The following KIDINS220 variants were observed in gnomAD, a reference collection of about 807,000 sequenced individuals.
The protein encoded by KIDINS220 is kinase D-interacting substrate of 220 kDa.
Under a neutral mutation model 157.6 loss-of-function variants are expected in KIDINS220, and 63 were observed. That is an observed-to-expected ratio of 0.40 (90% CI 0.33 to 0.49). KIDINS220 has a LOEUF of 0.49. Among genes scored for constraint, KIDINS220 ranks in the 20% least tolerant of loss-of-function variants. The pLI, the probability that KIDINS220 is intolerant of heterozygous loss-of-function variation, is 0.66. For missense variants in KIDINS220, 1,772 were observed against 2,171.2 expected (o/e 0.82, Z 3.65); for synonymous variants, 732 against 783.6 (o/e 0.93, Z 1.10).
chr2:8,722,527 G>A (rs1007331454), downstream of KIDINS220: 2 of 152,246 alleles, frequency 1.3e-5, no homozygotes. Flanking sequence ...TGCAAGAACA[G>A]GGAGAAGCCC....
intron 21 of KIDINS220, among the ~76,000 whole-genome samples, chr2:8,771,224 T>C (rs927686519): frequency 3.9e-5 from 6 of 152,192 alleles, no homozygotes; most frequent in African/African-American, 9.6e-5. Flanking sequence ...TGAGATCCTA[T>C]TGATGGACTA....
At chr2:8,747,732 A>G in intron 25 of KIDINS220, 155 bp downstream of exon 25, 1 of 424,648 alleles carries the variant, frequency 2.4e-6, no homozygotes, top group Non-Finnish European at 4.1e-6. Flanking sequence ...CCAGAAATGA[A>G]AATAAATACA....
chr2:8,800,444 G>T lies in KIDINS220; in HGVS notation c.856C>A (p.Arg286=). ...AVRGGHVEIV[R]ALLQKYADID... is the part of the protein sequence containing the mutation. ...TCAGCATATTTTTGGAGAAGCGCTC[G>T]AACAATTTCAACATGACCACCTCTG... is the stretch of plus-strand genomic sequence containing the variant. Residue 286 remains arginine (R), a synonymous_variant, in exon 9 of 30, where the codon CGA becomes AGA. Transcript: ENST00000256707. The T allele has an allele frequency of 6.2e-7, 1 of 1,613,316 alleles. No individual in the cohort carries two copies. Among genetic ancestry groups the T allele is most frequent in the Middle Eastern group, 1.7e-4 (1 of 6,058 alleles).
chr2:8,758,697 C>T (rs1282788340), intron 22 of KIDINS220, among the ~76,000 whole-genome samples: 3 of 152,052 alleles, frequency 2.0e-5, no homozygotes, highest in Non-Finnish European at 2.9e-5. Context: ...TACGCATTTA[C>T]AGCCATAAAT....
chr2:8,744,386 AAAATATATATATATAATATAT>A (rs1666184061), intron 26 of KIDINS220, among the ~76,000 whole-genome samples: 5 of 26,866 alleles, frequency 1.9e-4, no homozygotes, highest in South Asian at 4.4e-3. Flanking sequence ...AAAAAAAAAA[AAAATATATATATATAATATAT>A]ATATATATAT....
rs1049454940 is a variant in KIDINS220, at chr2:8,788,721, C to T, written c.1713G>A (p.Leu571=). The T allele has an allele frequency of 3.1e-6, 5 of 1,613,984 alleles. No individual in the cohort carries two copies. The highest frequency in any genetic ancestry group is 1.6e-4 in the Middle Eastern group (1 of 6,084). Residue 571 remains leucine, a synonymous_variant, in exon 15 of 30, where the codon TTG becomes TTA. Coordinates refer to ENST00000256707, the MANE Select transcript of KIDINS220 (RefSeq NM_020738.4). ...CAAACATCAATTTAAGGAGGAGTTC[C>T]AAATATCCAATATGTCTTGCCAATC... ...STRLARHIGY[L]ELLLKLMFVN...
chr2:8,831,003 C>T (rs1679535283), intron 1 of KIDINS220, among the ~76,000 whole-genome samples: 3 of 152,218 alleles, frequency 2.0e-5, no homozygotes, highest in Admixed American at 2.0e-4. Context: ...CTCCTCTCTC[C>T]AGGCCTGCCA....
chr2:8,785,722 A>C lies in KIDINS220; in HGVS notation c.2229+19T>G. On this transcript the variant is annotated intron_variant, in intron 17 of 29. Coordinates refer to ENST00000256707, the MANE Select transcript of KIDINS220 (RefSeq NM_020738.4). Reference sequence around the variant, plus strand: ...CATATTCGCATTACAATTTTTTCTAATAACCAATGAGTGCTTACTTTCATG... The same window carrying C: ...CATATTCGCATTACAATTTTTTCTACTAACCAATGAGTGCTTACTTTCATG... 6.3e-7 allele frequency: 1 copy of C among 1,584,260 alleles called. No individual in the cohort carries two copies. The highest frequency in any genetic ancestry group is 8.6e-7 in the Non-Finnish European group (1 of 1,167,774).
intron 22 of KIDINS220, among the ~76,000 whole-genome samples, chr2:8,762,131 GTA>G (rs536781818): frequency 2.4e-3 from 372 of 152,132 alleles, no homozygotes; most frequent in African/African-American, 8.7e-3. Flanking sequence ...TATTAAACAT[GTA>G]TTTCTTACAT....
At chr2:8,812,613 A>G in intron 5 of KIDINS220, 120 bp from the exon 6 acceptor site, 3 of 434,614 alleles carry the variant, frequency 6.9e-6, no homozygotes, top group Non-Finnish European at 1.2e-5. Flanking sequence ...TACAACACAC[A>G]TTTGCTAAGT....
chr2:8,801,564 A>T (rs7578302), intron 8 of KIDINS220, among the ~76,000 whole-genome samples: 1 of 152,234 alleles, frequency 6.6e-6, no homozygotes, highest in South Asian at 2.1e-4. Context: ...TAAACAAAAA[A>T]TCATACAAAC....
intron 19 of KIDINS220, 57 bp from the exon 20 acceptor site, chr2:8,778,784 T>C: frequency 6.3e-7 from 1 of 1,589,570 alleles, no homozygotes; most frequent in Non-Finnish European, 8.6e-7. Context: ...GTATATGATA[T>C]TTAAAGAAAT....
In KIDINS220 at chr2:8,731,632, G is replaced by T. The variant is rs77234849; in HGVS notation, c.4404C>A (p.Asn1468Lys). The T allele has an allele frequency of 6.2e-7, 1 of 1,614,066 alleles. No homozygotes were observed. The highest frequency in any genetic ancestry group is 8.5e-7 in the Non-Finnish European group (1 of 1,180,040). ...TGATAGGATCCAGGGGGGAAGCATCGTTGGTGGAAACCCCTGATGATGAAT... is the reference window on the plus strand; with the variant it reads ...TGATAGGATCCAGGGGGGAAGCATCTTTGGTGGAAACCCCTGATGATGAAT... ...IDYSSSGVSTNDASPLDPITE... is the reference protein window; with the variant it reads ...IDYSSSGVSTKDASPLDPITE... Residue 1468 changes from asparagine (N) to lysine (K), a missense_variant, in exon 30 of 30, where the codon AAC (asparagine) becomes AAA (lysine). Asn to Lys is a moderately conservative substitution (Grantham distance 94). Coordinates refer to ENST00000256707, the MANE Select transcript of KIDINS220 (RefSeq NM_020738.4). The surrounding 1 kb of genome is among the most constrained non-coding windows in gnomAD (Gnocchi z 5.2).
Position 8,778,647 on chromosome 2 carries a change from T to C in KIDINS220, c.2695A>G (p.Asn899Asp), listed in dbSNP as rs1297275317. Residue 899 changes from asparagine (N) to aspartate (D), a missense_variant, in exon 20 of 30, where the codon AAT (asparagine) becomes GAT (aspartate). Around this residue, in one of 3 missense-constraint regions of KIDINS220, gnomAD observed 725 missense variants for 1,017.1 expected, o/e 0.71. Coordinates refer to ENST00000256707, the MANE Select transcript of KIDINS220 (RefSeq NM_020738.4). Reference protein sequence around the residue: ...MTKLGSKTALNRRDTYRRRQM... With the variant: ...MTKLGSKTALDRRDTYRRRQM... ...AGCCAATGGCATCTTACCCGTCTAT[T>C]GAGGGCTGTCTTGCTACCAAGTTTT... is the stretch of plus-strand genomic sequence containing the variant. 3.1e-6 allele frequency: 5 copies of C among 1,612,094 alleles called. No individual in the cohort carries two copies. In the African/African-American group the frequency reaches 4.0e-5, roughly 13 times the overall value.
chr2:8,733,774 G>T, intron 28 of KIDINS220, 94 bp from the exon 29 acceptor site: 1 of 811,874 alleles, frequency 1.2e-6, no homozygotes, highest in Non-Finnish European at 1.8e-6. Context: ...TAAAGCTATT[G>T]CAACAGCAAT....
At chr2:8,812,204 C>G (rs1676425968) in intron 6 of KIDINS220, among the ~76,000 whole-genome samples, 191 bp downstream of exon 6, 1 of 152,024 alleles carries the variant, frequency 6.6e-6, no homozygotes, top group Non-Finnish European at 1.5e-5. Context: ...AAGAAAACAT[C>G]AGAAGGATAC....
chr2:8,757,359 C>A, intron 22 of KIDINS220: 1 of 1,059,970 alleles, frequency 9.4e-7, no homozygotes, highest in Non-Finnish European at 1.1e-6. Flanking sequence ...AACTAAATAT[C>A]TATTTTTTAT....
chr2:8,723,982 A>G (rs1031707028), downstream of KIDINS220: 2 of 152,246 alleles, frequency 1.3e-5, no homozygotes, highest in African/African-American at 4.8e-5. Context: ...TGTTCTCGCT[A>G]TGTTGCCCAG....
At chr2:8,741,743 G>T (rs889578216) in intron 26 of KIDINS220, among the ~76,000 whole-genome samples, 9 of 152,278 alleles carry the variant, frequency 5.9e-5, no homozygotes, top group African/African-American at 2.2e-4. Context: ...GTTGAAAATT[G>T]TTTAGGAAAA....
Sources: gnomAD v4.1 joint callset for allele counts (sites outside exome capture counted in the v4.1 genomes callset) on GRCh38, gnomAD v4.1.1 for gene constraint, gnomAD v4.1.1 regional missense constraint, Gnocchi (gnomAD v3.1) non-coding constraint, MANE v1.5 for transcripts, NCBI Gene and HGNC (gene_info 2026-07-23, HGNC 2026-07-21) for gene names.